TLR2: variants seen among roughly 807,000 people sequenced by gnomAD.
TLR2 encodes toll like receptor 2.
In TLR2, 7 loss-of-function variants were observed where a neutral mutation model predicts 9.1. That is an observed-to-expected ratio of 0.77 (90% CI 0.44 to 1.44). The LOEUF is 1.44. Among genes scored for constraint, TLR2 ranks in the 40% most tolerant of loss-of-function variants. TLR2 has a pLI of 0.01. For synonymous variants in TLR2, 317 were observed against 344.6 expected (o/e 0.92, Z 0.89); for missense variants, 812 against 904.6 (o/e 0.90, Z 1.31).
chr4:153,704,796 A>T lies in TLR2; in HGVS notation c.1889A>T (p.Lys630Met). ...MMWAWLQAKRKPRKAPSRNIC... is the reference protein window; with the variant it reads ...MMWAWLQAKRMPRKAPSRNIC... The stretch of plus-strand genomic sequence containing the variant: ...TGGGCCTGGCTCCAGGCCAAAAGGA[A>T]GCCCAGGAAAGCTCCCAGCAGGAAC... Residue 630 changes from lysine to methionine, a missense_variant, in exon 3 of 3, where the codon AAG becomes ATG. Physicochemically the swap from Lys to Met is moderately conservative, Grantham distance 95. Coordinates refer to ENST00000642700, the MANE Select transcript of TLR2 (RefSeq NM_001318789.2). 6.2e-7 allele frequency: 1 copy of T among 1,613,924 alleles called. No individual in the cohort carries two copies. The highest frequency in any genetic ancestry group is 8.5e-7 in the Non-Finnish European group (1 of 1,179,966).
rs1245588075 is a variant in TLR2 at position 153,704,583 on chromosome 4, C to T, written c.1676C>T (p.Pro559Leu). 1 of 1,613,714 alleles carries T rather than the reference C, an allele frequency of 6.2e-7. No homozygotes were observed. Among genetic ancestry groups the T allele is most frequent in the East Asian group, 2.2e-5 (1 of 44,844 alleles). Residue 559 changes from proline (P) to leucine (L), a missense_variant, in exon 3 of 3, where the codon CCA (proline) becomes CTA (leucine). Transcript: ENST00000642700. ...QALAKVLIDW[P>L]ANYLCDSPSH... ...CTGGCCAAAGTCTTGATTGATTGGC[C>T]AGCAAATTACCTGTGTGACTCTCCA...
Position 153,690,425 on chromosome 4 carries a change from A to G in TLR2, c.-17+2378A>G, listed in dbSNP as rs575813760. Among the ~76,000 whole-genome samples the G allele has an allele frequency of 1.8e-4, 28 of 152,372 alleles. 1 individual carries two copies. The East Asian group carries it at 3.5e-3, about 19-fold the overall frequency. On this transcript the variant is annotated intron_variant, in intron 2 of 2. Transcript: ENST00000642700. ...AAAATGTAGCTAGAGCTTGGCTAGT[A>G]TAGCCTGGGGCATTATCTGTTTTAA...
chr4:153,702,697 C>A, intron 2 of TLR2, 195 bp from the exon 3 acceptor site: 1 of 571,744 alleles, frequency 1.7e-6, no homozygotes. Context: ...CTGAATGTAT[C>A]AGGGAATTCA....
intron 1 of TLR2, 105 bp downstream of exon 1, chr4:153,684,465 A>C (rs56346547): frequency 0.36 from 55,004 of 152,130 alleles, 10,324 homozygotes; most frequent in Non-Finnish European, 0.42. Flanking sequence ...GCTCTGGGGA[A>C]CCCGGGCTCC....
chr4:153,704,726 G>A lies in TLR2; in HGVS notation c.1819G>A (p.Val607Ile). The change falls in exon 3 of 3, where the codon GTC (valine) becomes ATC (isoleucine). Residue 607 changes from valine (V) to isoleucine (I), a missense_variant. Coordinates refer to ENST00000642700, the MANE Select transcript of TLR2 (RefSeq NM_001318789.2). The part of the protein sequence containing the change: ...ALFLLILLTG[V>I]LCHRFHGLWY... ...GTTCCTGCTGATCCTGCTCACGGGG[G>A]TCCTGTGCCACCGTTTCCATGGCCT... is the stretch of plus-strand genomic sequence containing the variant. 2 of 1,613,958 alleles carry A rather than the reference G, an allele frequency of 1.2e-6. No homozygotes were observed. Among genetic ancestry groups the A allele is most frequent in the South Asian group, 1.1e-5 (1 of 91,070 alleles).
At chr4:153,690,198 T>A (rs974388481) in intron 2 of TLR2, among the ~76,000 whole-genome samples, 1 of 152,256 alleles carries the variant, frequency 6.6e-6, no homozygotes, top group African/African-American at 2.4e-5. Flanking sequence ...CAGCTGCTGA[T>A]AGCATCTGGC....
chr4:153,706,899 C>T (rs536836469), downstream of TLR2, among the ~76,000 whole-genome samples: 25 of 152,180 alleles, frequency 1.6e-4, no homozygotes, highest in South Asian at 5.0e-3. Flanking sequence ...GTAAGTAAAC[C>T]ATGAGCCTAA....
At chr4:153,700,845 G>A (rs1461133827) in intron 2 of TLR2, among the ~76,000 whole-genome samples, 1 of 152,048 alleles carries the variant, frequency 6.6e-6, no homozygotes, top group Non-Finnish European at 1.5e-5. Flanking sequence ...CCCCTATATG[G>A]GCATGTCCCT....
chr4:153,703,308 A>G lies in TLR2; in HGVS notation c.401A>G (p.Asn134Ser), dbSNP rs774512368. 10 of 1,612,344 alleles carry G rather than the reference A, an allele frequency of 6.2e-6. No homozygotes were observed. The highest frequency in any genetic ancestry group is 7.6e-6 in the Non-Finnish European group (9 of 1,179,676). The change falls in exon 3 of 3, where the codon AAT becomes AGT. Residue 134 changes from asparagine (N) to serine (S), a missense_variant. Asn to Ser is a conservative substitution (Grantham distance 46, BLOSUM62 1). Transcript: ENST00000642700. ...TTAACATTCTTAAACTTACTGGGAA[A>G]TCCTTACAAAACCCTAGGGGAAACA... ...SSLTFLNLLG[N>S]PYKTLGETSL...
rs1285140252 is a variant in TLR2, at chr4:153,702,997, T to A, written c.90T>A (p.Cys30Ter). 2 of 1,614,112 alleles carry A rather than the reference T, an allele frequency of 1.2e-6. No homozygotes were observed. The highest frequency in any genetic ancestry group is 1.7e-6 in the Non-Finnish European group (2 of 1,180,020). Residue 30 changes from cysteine (C) to a stop codon, truncating the protein, a stop_gained, in exon 3 of 3, where the codon TGT (cysteine) becomes TGA (stop). Coordinates refer to ENST00000642700, the MANE Select transcript of TLR2 (RefSeq NM_001318789.2). LOFTEE classifies it low-confidence loss of function (END_TRUNC). ...CCTCCAATCAGGCTTCTCTGTCTTG[T>A]GACCGCAATGGTATCTGCAAGGGCA... is the stretch of plus-strand genomic sequence containing the variant. Reference protein sequence around the residue: ...EESSNQASLSCDRNGICKGSS... With the variant: ...EESSNQASLS
rs577474669 is a variant in TLR2 at position 153,688,034 on chromosome 4, A to C, written c.-30A>C. 1.3e-5 allele frequency: 2 copies of C among 152,162 alleles called. No homozygotes were observed. The highest frequency in any genetic ancestry group is 4.8e-5 in the African/African-American group (2 of 41,434). The allele number at this position is 152,162 out of a possible 1,614,324, so 9.4% of individuals were successfully genotyped here. A position where few individuals can be genotyped will look rare whatever the true frequency, so the allele number is the denominator to read the frequency against. ...GCCCATTGCTCTTTCACTGCTTTCAACTGGTAGTTGTGGGTAAGTTCCTGC... is the reference window on the plus strand; with the variant it reads ...GCCCATTGCTCTTTCACTGCTTTCACCTGGTAGTTGTGGGTAAGTTCCTGC... On this transcript the variant is annotated 5_prime_UTR_variant, in exon 2 of 3. Transcript: ENST00000642700.
chr4:153,703,920 T>G lies in TLR2; in HGVS notation c.1013T>G (p.Val338Gly), dbSNP rs1358197672. Residue 338 changes from valine (V) to glycine (G), a missense_variant, in exon 3 of 3, where the codon GTT becomes GGT. Val to Gly is a moderately radical substitution (Grantham distance 109). Transcript: ENST00000642700. ...LSTLYSLTER[V>G]KRITVENSKV... ...ACTTTATATTCACTTACAGAAAGAG[T>G]TAAAAGAATCACAGTAGAAAACAGT... 4 of 1,613,016 alleles carry G rather than the reference T, an allele frequency of 2.5e-6. No homozygotes were observed. Among genetic ancestry groups the G allele is most frequent in the Non-Finnish European group, 3.4e-6 (4 of 1,179,814 alleles).
At chr4:153,707,692 C>T (rs1002559380), downstream of TLR2, among the ~76,000 whole-genome samples, 2 of 152,202 alleles carry the variant, frequency 1.3e-5, no homozygotes, top group African/African-American at 2.4e-5. Context: ...GTAGATTTAA[C>T]ATTGACTCGA....
intron 2 of TLR2, among the ~76,000 whole-genome samples, chr4:153,693,562 G>A (rs1267340660): frequency 2.0e-5 from 3 of 152,184 alleles, no homozygotes; most frequent in African/African-American, 7.2e-5. Context: ...GAAAGATCTG[G>A]AGGATCAGGC....
chr4:153,702,844 G>A (rs531957691), intron 2 of TLR2, 48 bp from the exon 3 acceptor site: 185 of 1,307,538 alleles, frequency 1.4e-4, no homozygotes, highest in Non-Finnish European at 1.8e-4. Context: ...TTAGAATTAC[G>A]ATATGCTGTC....
downstream of TLR2, among the ~76,000 whole-genome samples, chr4:153,707,216 G>A (rs1306470652): frequency 6.6e-6 from 1 of 152,116 alleles, no homozygotes; most frequent in Non-Finnish European, 1.5e-5. Context: ...TAGGGCTGCT[G>A]CTGTTTCACA....
At position 153,699,441 on chromosome 4, in the gene TLR2, T is replaced by C. The variant is rs116664446; in HGVS notation, c.-16-3451T>C. The stretch of plus-strand genomic sequence containing the variant: ...TGGGCATCTTTTGTTCAAATGCTCC[T>C]TCCCTGGCTTGGAATAAATGTAAAT... On this transcript the variant is annotated intron_variant, in intron 2 of 2. Coordinates refer to ENST00000642700, the MANE Select transcript of TLR2 (RefSeq NM_001318789.2). 3.8e-3 allele frequency among the ~76,000 whole-genome samples: 576 copies of C among 152,324 alleles called. 5 individuals are homozygous for C. The highest frequency in any genetic ancestry group is 0.013 in the African/African-American group (543 of 41,586).
chr4:153,703,205 G>A lies in TLR2; in HGVS notation c.298G>A (p.Gly100Ser), dbSNP rs1459674700. The A allele has an allele frequency of 6.2e-7, 1 of 1,614,112 alleles. No homozygotes were observed. The highest frequency in any genetic ancestry group is 8.5e-7 in the Non-Finnish European group (1 of 1,180,022). Residue 100 changes from glycine (G) to serine (S), a missense_variant, in exon 3 of 3, where the codon GGC becomes AGC. Gly to Ser is a moderately conservative substitution (Grantham distance 56). Coordinates refer to ENST00000642700, the MANE Select transcript of TLR2 (RefSeq NM_001318789.2). Reference sequence around the variant, plus strand: ...AGAGGAAGATTCTTTTTCTTCCCTGGGCAGTCTTGAACATTTAGACTTATC... The same window carrying A: ...AGAGGAAGATTCTTTTTCTTCCCTGAGCAGTCTTGAACATTTAGACTTATC... ...TIEEDSFSSLGSLEHLDLSYN... is the reference protein window; with the variant it reads ...TIEEDSFSSLSSLEHLDLSYN...
At position 153,703,599 on chromosome 4, in the gene TLR2, A is replaced by G. The variant is rs140388212; in HGVS notation, c.692A>G (p.Asp231Gly). ...TCCGTGGAATGTTTGGAACTGCGAG[A>G]TACTGATTTGGACACTTTCCATTTT... ...TSSVECLELR[D>G]TDLDTFHFSE... The change falls in exon 3 of 3, where the codon GAT becomes GGT. Residue 231 changes from aspartate to glycine, a missense_variant. Physicochemically the swap from Asp to Gly is moderately conservative, Grantham distance 94 (BLOSUM62 -1). Transcript: ENST00000642700. 1.8e-5 allele frequency: 29 copies of G among 1,614,006 alleles called. No individual in the cohort carries two copies. In the African/African-American group the frequency reaches 2.3e-4, roughly 13 times the overall value.
Sources: gnomAD v4.1 joint callset for allele counts (sites outside exome capture counted in the v4.1 genomes callset) on GRCh38, gnomAD v4.1.1 for gene constraint, MANE v1.5 for transcripts, NCBI Gene and HGNC (gene_info 2026-07-23, HGNC 2026-07-21) for gene names.